The following STK32B variants were observed in gnomAD, a reference collection of about 807,000 sequenced individuals.
STK32B encodes the protein serine/threonine-protein kinase 32B.
STK32B carries 43 observed loss-of-function variants against 52.6 expected under a neutral mutation model. That is an observed-to-expected ratio of 0.82 (90% confidence interval 0.64 to 1.05). The LOEUF is 1.05. Among genes scored for constraint, STK32B ranks in the 50% least tolerant of loss-of-function variants. The probability of loss-of-function intolerance (pLI) is 0.00; values close to 1 mark genes in which losing one functional copy is unlikely to be tolerated. For synonymous variants in STK32B, 238 were observed against 204.3 expected, an observed-to-expected ratio of 1.17 and a Z score of -1.41; for missense variants, 621 against 534.6, an observed-to-expected ratio of 1.16 and a Z score of -1.59.
chr4:5,152,960 A>C (rs1717489264), intron 2 of STK32B, among the ~76,000 whole-genome samples: 1 of 152,238 alleles, frequency 6.6e-6, no homozygotes, highest in African/African-American at 2.4e-5. Flanking sequence ...TGGTCCTGGC[A>C]ACTGGAGACC....
chr4:5,442,383 T>G (rs1393576091), intron 6 of STK32B, among the ~76,000 whole-genome samples: 2 of 152,086 alleles, frequency 1.3e-5, no homozygotes, highest in African/African-American at 4.8e-5. Flanking sequence ...TCTTTTGATC[T>G]TTGTTGGTTT....
At chr4:5,329,710 A>G (rs73211138) in intron 3 of STK32B, among the ~76,000 whole-genome samples, 28 of 152,334 alleles carry the variant, frequency 1.8e-4, no homozygotes, top group Non-Finnish European at 3.2e-4. Context: ...TAGGTGTTCC[A>G]TAAGCCTCTG....
chr4:5,406,034 C>G (rs1366688194), intron 5 of STK32B, among the ~76,000 whole-genome samples: 1 of 152,100 alleles, frequency 6.6e-6, no homozygotes, highest in African/African-American at 2.4e-5. Flanking sequence ...TCTGTAAAAT[C>G]AAAAACAAGT....
intron 3 of STK32B, among the ~76,000 whole-genome samples, chr4:5,194,301 G>A (rs1721473044): frequency 6.6e-6 from 1 of 152,122 alleles, no homozygotes; most frequent in East Asian, 1.9e-4. Flanking sequence ...ATGTTATGTT[G>A]AATTAGATAT....
chr4:5,034,359 G>A, the STK32B span, among the ~76,000 whole-genome samples: 1 of 152,204 alleles, frequency 6.6e-6, no homozygotes, highest in East Asian at 1.9e-4. Flanking sequence ...TACAAAACTT[G>A]TGCCTTCCAT....
chr4:5,159,537 A>G (rs1052718844), intron 2 of STK32B, among the ~76,000 whole-genome samples: 3 of 117,770 alleles, frequency 2.5e-5, no homozygotes, highest in Middle Eastern at 4.1e-3. Flanking sequence ...ATATATGTAT[A>G]TATGTATATA....
intron 3 of STK32B, among the ~76,000 whole-genome samples, chr4:5,330,027 C>G (rs912871077): frequency 1.8e-4 from 27 of 152,110 alleles, no homozygotes; most frequent in African/African-American, 6.3e-4. Context: ...CAGCAACATC[C>G]CCACAGTGTA....
At chr4:5,170,318 T>C (rs1237128605) in intron 3 of STK32B, among the ~76,000 whole-genome samples, 1 of 152,138 alleles carries the variant, frequency 6.6e-6, no homozygotes, top group Non-Finnish European at 1.5e-5. Flanking sequence ...TTTTTATTTT[T>C]ATTATTATAC....
At chr4:5,370,954 C>T (rs1016130890) in intron 4 of STK32B, among the ~76,000 whole-genome samples, 6 of 148,194 alleles carry the variant, frequency 4.0e-5, no homozygotes, top group East Asian at 2.0e-4. Flanking sequence ...GCCTAGGTGA[C>T]GAAGCAAGAC....
intron 3 of STK32B, among the ~76,000 whole-genome samples, chr4:5,210,114 A>G (rs1475073810): frequency 6.6e-6 from 1 of 152,200 alleles, no homozygotes; most frequent in Non-Finnish European, 1.5e-5. Context: ...CACATATGCA[A>G]TTCAGGAGCC....
At chr4:5,190,496 G>A (rs577497467) in intron 3 of STK32B, among the ~76,000 whole-genome samples, 34 of 152,196 alleles carry the variant, frequency 2.2e-4, no homozygotes, top group African/African-American at 6.3e-4. Context: ...CACTGCATTT[G>A]GTGTCATGGG....
intron 4 of STK32B, among the ~76,000 whole-genome samples, chr4:5,385,053 G>T (rs190808273): frequency 0.018 from 2,711 of 152,206 alleles, 29 homozygotes; most frequent in Non-Finnish European, 0.03. Context: ...TTTTCCGAGC[G>T]TCCACAGGTG....
At chr4:5,123,353 G>A (rs1043785463) in intron 1 of STK32B, among the ~76,000 whole-genome samples, 7 of 152,120 alleles carry the variant, frequency 4.6e-5, no homozygotes, top group East Asian at 1.9e-4. Context: ...TCATGCAGCC[G>A]GCACAAATGA....
intron 3 of STK32B, among the ~76,000 whole-genome samples, chr4:5,298,180 C>A (rs576857119): frequency 6.6e-6 from 1 of 152,284 alleles, no homozygotes; most frequent in African/African-American, 2.4e-5. Context: ...GGGCCACCGG[C>A]CAGATGTCAG....
chr4:5,327,097 G>A (rs916009912), intron 3 of STK32B, among the ~76,000 whole-genome samples: 4 of 151,906 alleles, frequency 2.6e-5, no homozygotes, highest in African/African-American at 4.8e-5. Context: ...ATCTCTTAAC[G>A]TTTTATCGTG....
At chr4:5,140,702 CAT>C (rs1172089828) in intron 2 of STK32B, among the ~76,000 whole-genome samples, 2 of 152,160 alleles carry the variant, frequency 1.3e-5, no homozygotes, top group South Asian at 2.1e-4. Context: ...ATTTAAAACT[CAT>C]AGAGCTAAAC....
intron 4 of STK32B, among the ~76,000 whole-genome samples, chr4:5,343,345 A>G (rs888170946): frequency 6.6e-6 from 1 of 152,010 alleles, no homozygotes; most frequent in African/African-American, 2.4e-5. Flanking sequence ...CATCCAGTCT[A>G]TCATTGTTGG....
chr4:5,212,671 G>A (rs1344200368), intron 3 of STK32B, among the ~76,000 whole-genome samples: 3 of 152,114 alleles, frequency 2.0e-5, no homozygotes, highest in Non-Finnish European at 4.4e-5. Context: ...ATTTGTCATC[G>A]TCCCTTAAAA....
intron 4 of STK32B, among the ~76,000 whole-genome samples, chr4:5,376,786 C>G (rs977141356): frequency 6.6e-5 from 10 of 152,178 alleles, no homozygotes; most frequent in Non-Finnish European, 1.3e-4. Flanking sequence ...GTTAGAAATT[C>G]TACAGTGGCT....
Sources: allele counts gnomAD v4.1 joint callset (sites outside exome capture counted in the v4.1 genomes callset), GRCh38; gene constraint gnomAD v4.1.1; transcripts MANE v1.5; gene names NCBI Gene and HGNC (gene_info 2026-07-23, HGNC 2026-07-21).